The following GRAMD2B variants were observed in gnomAD, a reference collection of about 807,000 sequenced individuals.
GRAMD2B encodes GRAM domain containing 2B.
In GRAMD2B, 41 loss-of-function variants were observed where a neutral mutation model predicts 59.2. That is an observed-to-expected ratio of 0.69 (90% confidence interval 0.54 to 0.90). The LOEUF is 0.90. GRAMD2B is among the 40% of genes least tolerant of loss of function. The pLI is 0.00. For missense variants in GRAMD2B, 424 were observed against 500.5 expected (o/e 0.85, Z 1.46); for synonymous variants, 161 against 182.7 (o/e 0.88, Z 0.96).
At chr5:126,482,774 G>T (rs1772131431) in intron 8 of GRAMD2B, among the ~76,000 whole-genome samples, 1 of 152,166 alleles carries the variant, frequency 6.6e-6, no homozygotes, top group Admixed American at 6.5e-5. Flanking sequence ...ATTGTTAAAA[G>T]CTCAGCCTAA....
At chr5:126,378,360 A>C (rs1755380631) in intron 1 of GRAMD2B, among the ~76,000 whole-genome samples, 1 of 152,256 alleles carries the variant, frequency 6.6e-6, no homozygotes, top group African/African-American at 2.4e-5. Context: ...CAGTTAGTTC[A>C]TAAGAGCACT....
At chr5:126,361,039 C>T (rs190355509) in intron 1 of GRAMD2B, among the ~76,000 whole-genome samples, 3 of 152,238 alleles carry the variant, frequency 2.0e-5, no homozygotes, top group Admixed American at 1.3e-4. Flanking sequence ...TTTTGCTTTG[C>T]TTTTTACTTT....
intron 1 of GRAMD2B, among the ~76,000 whole-genome samples, chr5:126,435,666 C>A (rs1255662347): frequency 6.6e-6 from 1 of 152,204 alleles, no homozygotes; most frequent in Admixed American, 6.5e-5. Flanking sequence ...TAGATCCCTT[C>A]CAACCTGAAG....
At chr5:126,441,371 A>G (rs942668677) in intron 1 of GRAMD2B, among the ~76,000 whole-genome samples, 4 of 152,222 alleles carry the variant, frequency 2.6e-5, no homozygotes, top group Non-Finnish European at 4.4e-5. Flanking sequence ...GGATTGCTCC[A>G]AACTACAGAC....
chr5:126,454,254 T>C (rs1255222421), intron 1 of GRAMD2B, among the ~76,000 whole-genome samples: 1 of 152,170 alleles, frequency 6.6e-6, no homozygotes, highest in Admixed American at 6.5e-5. Context: ...CATTGTTAAC[T>C]CTGGAGCAGT....
chr5:126,400,764 A>G (rs1757760318), intron 1 of GRAMD2B, among the ~76,000 whole-genome samples: 1 of 152,180 alleles, frequency 6.6e-6, no homozygotes, highest in South Asian at 2.1e-4. Context: ...CACTTTGAAA[A>G]TATCATCCTA....
At chr5:126,382,662 A>G (rs1291217485) in intron 1 of GRAMD2B, among the ~76,000 whole-genome samples, 1 of 152,202 alleles carries the variant, frequency 6.6e-6, no homozygotes, top group Non-Finnish European at 1.5e-5. Flanking sequence ...GATTTGCTTA[A>G]TAATCAACCT....
chr5:126,445,355 A>G (rs534406905), intron 1 of GRAMD2B: 24 of 152,332 alleles, frequency 1.6e-4, no homozygotes, highest in African/African-American at 5.1e-4. Context: ...CCTTGCCAGC[A>G]TCTGTTTTTT....
At chr5:126,418,517 G>A (rs568784531), upstream of GRAMD2B, among the ~76,000 whole-genome samples, 1 of 152,298 alleles carries the variant, frequency 6.6e-6, no homozygotes, top group African/African-American at 2.4e-5. Context: ...TCTCTAGGAA[G>A]AGAAATAGAA....
chr5:126,455,195 C>T (rs191797905), intron 1 of GRAMD2B, among the ~76,000 whole-genome samples: 1 of 152,306 alleles, frequency 6.6e-6, no homozygotes, highest in Admixed American at 6.5e-5. Flanking sequence ...CCAGCTTCCA[C>T]CCTCCCTTGT....
At chr5:126,415,974 T>C (rs1759235171) in intron 1 of GRAMD2B, among the ~76,000 whole-genome samples, 2 of 152,130 alleles carry the variant, frequency 1.3e-5, no homozygotes. Flanking sequence ...AATTGCATTG[T>C]CAAAACATTT....
Position 126,423,533 on chromosome 5 carries a change from A to C in GRAMD2B, c.-74A>C, listed in dbSNP as rs138500701. 1,306 of 1,564,536 alleles carry C rather than the reference A, an allele frequency of 8.3e-4. 11 individuals are homozygous for C. In the African/African-American group the frequency reaches 0.015, roughly 18 times the overall value. ...CCGCTTGCTTGGCCTGCGCACCCGG[A>C]CCTAGAAGCCGGGACGAGCCGGGGC... is the stretch of plus-strand genomic sequence containing the variant. On this transcript the variant is annotated 5_prime_UTR_variant, in exon 1 of 14. Coordinates refer to ENST00000285689, the MANE Select transcript of GRAMD2B (RefSeq NM_023927.4).
chr5:126,412,166 CTGAGAA>C, intron 1 of GRAMD2B, among the ~76,000 whole-genome samples: 1 of 152,012 alleles, frequency 6.6e-6, no homozygotes, highest in South Asian at 2.1e-4. Flanking sequence ...AGTAGTGACA[CTGAGAA>C]TCCTTGTTTG....
chr5:126,402,634 C>T (rs1757935619), intron 1 of GRAMD2B, among the ~76,000 whole-genome samples: 1 of 151,998 alleles, frequency 6.6e-6, no homozygotes, highest in Admixed American at 6.6e-5. Flanking sequence ...GAACACCAAA[C>T]AACTTTTATA....
At chr5:126,482,184 G>A (rs1003135331) in intron 8 of GRAMD2B, among the ~76,000 whole-genome samples, 4 of 152,140 alleles carry the variant, frequency 2.6e-5, no homozygotes, top group African/African-American at 9.7e-5. Context: ...GGGAGAAATT[G>A]AGAGTGACTG....
At chr5:126,411,416 C>T (rs374864778) in intron 1 of GRAMD2B, among the ~76,000 whole-genome samples, 118 of 152,048 alleles carry the variant, frequency 7.8e-4, no homozygotes, top group African/African-American at 2.7e-3. Context: ...TGACTGTAGG[C>T]ATGTGGCTTG....
At chr5:126,393,800 G>T (rs1249201195) in intron 1 of GRAMD2B, among the ~76,000 whole-genome samples, 1 of 152,118 alleles carries the variant, frequency 6.6e-6, no homozygotes, top group Non-Finnish European at 1.5e-5. Flanking sequence ...AAATGAAAAA[G>T]TTAATTTGAT....
At chr5:126,394,254 G>A (rs1283585792) in intron 1 of GRAMD2B, among the ~76,000 whole-genome samples, 11 of 149,174 alleles carry the variant, frequency 7.4e-5, no homozygotes, top group African/African-American at 1.5e-4. Flanking sequence ...CAGCCCGGAC[G>A]ACACAGCAAG....
At chr5:126,362,409 C>T (rs540309234) in intron 1 of GRAMD2B, among the ~76,000 whole-genome samples, 26 of 152,276 alleles carry the variant, frequency 1.7e-4, no homozygotes, top group African/African-American at 6.0e-4. Context: ...TTCTAAATAA[C>T]TTAAGATTTT....
Sources: gnomAD v4.1 joint callset for allele counts (sites outside exome capture counted in the v4.1 genomes callset) on GRCh38, gnomAD v4.1.1 for gene constraint, MANE v1.5 for transcripts, NCBI Gene and HGNC (gene_info 2026-07-23, HGNC 2026-07-21) for gene names.